The following STK3 variants were observed in gnomAD, a reference collection of about 807,000 sequenced individuals.
The protein encoded by STK3 is serine/threonine-protein kinase 3.
STK3 carries 41 observed loss-of-function variants against 58.0 expected under a neutral mutation model. That is an observed-to-expected ratio of 0.71 (90% CI 0.55 to 0.92). The LOEUF (loss-of-function observed/expected upper bound fraction) is 0.92, where lower values mean the gene tolerates loss of function less well. Among genes scored for constraint, STK3 ranks in the 40% least tolerant of loss-of-function variants. STK3 has a pLI of 0.00. For missense variants in STK3, 479 were observed against 602.7 expected (o/e 0.79, Z 2.15); for synonymous variants, 170 against 191.0 (o/e 0.89, Z 0.91).
At chr8:98,788,439 G>A (rs1232912842) in intron 1 of STK3, among the ~76,000 whole-genome samples, 8 of 149,452 alleles carry the variant, frequency 5.4e-5, no homozygotes, top group South Asian at 2.1e-4. Context: ...CTCCATCTCA[G>A]AAAAAACAAA....
At chr8:98,353,719 T>C in the STK3 span, among the ~76,000 whole-genome samples, 6 of 152,088 alleles carry the variant, frequency 3.9e-5, no homozygotes, top group African/African-American at 1.4e-4. Context: ...AACTGATAAA[T>C]GAAAATTAGG....
chr8:98,760,160 G>C (rs554936225), intron 3 of STK3, among the ~76,000 whole-genome samples: 2 of 152,014 alleles, frequency 1.3e-5, no homozygotes, highest in African/African-American at 4.8e-5. Flanking sequence ...TATTTTTTAA[G>C]AGACAGGGTA....
Position 98,735,064 on chromosome 8 carries a change from T to C in STK3, c.351+14212A>G, listed in dbSNP as rs1045764454. On this transcript the variant is annotated intron_variant, in intron 4 of 10. Transcript: ENST00000419617. ...CTTTTTATGGCTTGTCTTTGGTATA[T>C]GACCATATTTGTTCAGCAATCCACA... is the stretch of plus-strand genomic sequence containing the variant. Among the ~76,000 whole-genome samples, 13 of 152,316 alleles carry C rather than the reference T, an allele frequency of 8.5e-5. No homozygotes were observed. The East Asian group carries it at 9.6e-4, about 11-fold the overall frequency.
intron 1 of STK3, among the ~76,000 whole-genome samples, chr8:98,784,639 A>T (rs1049674882): frequency 6.6e-6 from 1 of 152,134 alleles, no homozygotes; most frequent in African/African-American, 2.4e-5. Context: ...GCAGATCTAG[A>T]GCTATTCAGA....
chr8:98,905,920 A>T (rs1038828960), intron 1 of STK3, among the ~76,000 whole-genome samples: 6 of 152,190 alleles, frequency 3.9e-5, no homozygotes, highest in African/African-American at 1.4e-4. Flanking sequence ...TGAGGTACAG[A>T]AACAGCCAGA....
At chr8:98,659,781 C>T (rs1587203154) in intron 6 of STK3, among the ~76,000 whole-genome samples, 2 of 151,718 alleles carry the variant, frequency 1.3e-5, no homozygotes, top group East Asian at 1.9e-4. Context: ...CATAGCAATA[C>T]ATAAGTTAGC....
intron 3 of STK3, among the ~76,000 whole-genome samples, chr8:98,395,191 C>T (rs1282159440): frequency 6.6e-6 from 1 of 151,954 alleles, no homozygotes; most frequent in Non-Finnish European, 1.5e-5. Flanking sequence ...GAAGCATTGC[C>T]TGACCTAGTC....
chr8:98,876,492 A>G (rs1004534013), intron 3 of STK3, among the ~76,000 whole-genome samples: 2 of 152,194 alleles, frequency 1.3e-5, no homozygotes, highest in African/African-American at 4.8e-5. Context: ...TTGAGAAGCT[A>G]ACAAGCCAAG....
chr8:98,413,172 C>T (rs1195400890), intron 3 of STK3: 1 of 293,488 alleles, frequency 3.4e-6, no homozygotes, highest in African/African-American at 2.2e-5. Flanking sequence ...TGCCACCACG[C>T]CCGGTTATTT....
chr8:98,344,762 G>A, the STK3 span, among the ~76,000 whole-genome samples: 5 of 150,080 alleles, frequency 3.3e-5, no homozygotes, highest in African/African-American at 1.2e-4. Flanking sequence ...GCGTAGTGGC[G>A]GGCGCCTGTA....
chr8:98,874,207 C>T (rs895303129), intron 3 of STK3, among the ~76,000 whole-genome samples: 2 of 152,204 alleles, frequency 1.3e-5, no homozygotes, highest in Non-Finnish European at 1.5e-5. Context: ...TCTGCCAAGA[C>T]ATCCGCTGTT....
intron 1 of STK3, chr8:98,905,167 T>A: frequency 1.6e-6 from 2 of 1,238,740 alleles, no homozygotes; most frequent in Non-Finnish European, 2.4e-6. Context: ...CCTTCTTTCT[T>A]ACACTGATAG....
At chr8:98,600,770 TG>T (rs1816277703) in intron 6 of STK3, among the ~76,000 whole-genome samples, 1 of 152,132 alleles carries the variant, frequency 6.6e-6, no homozygotes, top group Non-Finnish European at 1.5e-5. Context: ...AAACTATATA[TG>T]AATAACATAA....
intron 6 of STK3, among the ~76,000 whole-genome samples, chr8:98,635,256 G>T (rs1587106980): frequency 6.6e-6 from 1 of 152,112 alleles, no homozygotes; most frequent in Admixed American, 6.6e-5. Context: ...ATACATTCAT[G>T]TTATCATATG....
At chr8:98,759,394 G>A (rs9649987) in intron 3 of STK3, among the ~76,000 whole-genome samples, 14,372 of 152,196 alleles carry the variant, frequency 0.094, 879 homozygotes, top group Non-Finnish European at 0.14. Flanking sequence ...GAACACACAC[G>A]ACATTTATCA....
At chr8:98,682,579 C>T (rs1320800955) in intron 6 of STK3, among the ~76,000 whole-genome samples, 4 of 151,990 alleles carry the variant, frequency 2.6e-5, no homozygotes, top group Non-Finnish European at 5.9e-5. Flanking sequence ...AAAGATGGTT[C>T]TATTCATGTG....
intron 3 of STK3, among the ~76,000 whole-genome samples, chr8:98,754,843 C>T (rs577927596): frequency 2.0e-5 from 3 of 152,112 alleles, no homozygotes; most frequent in South Asian, 4.1e-4. Flanking sequence ...TGTTCTCATT[C>T]AAAATTTTGA....
rs188114113 is a variant in STK3 at position 98,539,680 on chromosome 8, A to G, written c.1141+8289T>C. Reference sequence around the variant, plus strand: ...TATTATTTAACCCAGTATTTAAGAAATGATAAACATTTATGAAAGGTTAAT... The same window carrying G: ...TATTATTTAACCCAGTATTTAAGAAGTGATAAACATTTATGAAAGGTTAAT... On this transcript the variant is annotated intron_variant, in intron 9 of 10. Transcript: ENST00000419617. Among the ~76,000 whole-genome samples the G allele has an allele frequency of 2.8e-4, 43 of 152,370 alleles. 1 individual carries two copies. Among genetic ancestry groups the G allele is most frequent in the Admixed American group, 2.7e-3 (41 of 15,302 alleles).
At chr8:98,661,978 T>C (rs573282934) in intron 6 of STK3, among the ~76,000 whole-genome samples, 2 of 152,140 alleles carry the variant, frequency 1.3e-5, no homozygotes, top group African/African-American at 2.4e-5. Context: ...AAACACCTGC[T>C]TGCTATGTAT....
Sources: allele counts gnomAD v4.1 joint callset (sites outside exome capture counted in the v4.1 genomes callset), GRCh38; gene constraint gnomAD v4.1.1; transcripts MANE v1.5; gene names NCBI Gene and HGNC (gene_info 2026-07-23, HGNC 2026-07-21).